The following LLPH variants were observed in gnomAD, a reference collection of about 807,000 sequenced individuals.
The protein encoded by LLPH is protein LLP homolog.
A neutral mutation model predicts 13.3 loss-of-function variants in LLPH; 5 were observed. That is an observed-to-expected ratio of 0.38 (90% confidence interval 0.20 to 0.79). LLPH has a LOEUF of 0.79. LLPH is among the 30% of genes least tolerant of loss of function. The pLI is 0.45. For missense variants in LLPH, 129 were observed against 152.1 expected, an observed-to-expected ratio of 0.85 and a Z score of 0.80; for synonymous variants, 32 against 44.2, an observed-to-expected ratio of 0.72 and a Z score of 1.09.
rs1565776648 is a variant in LLPH, at chr12:66,123,177, G to A, written c.*663C>T. ...ACAGAGTCCTACTCCATTGCCCAGG[G>A]TGGAGTGCAGTGGGGCAATCTTGGC... is the stretch of plus-strand genomic sequence containing the variant. On this transcript the variant is annotated 3_prime_UTR_variant, in exon 3 of 3. Transcript: ENST00000266604. 6.6e-6 allele frequency: 1 copy of A among 151,566 alleles called. No homozygotes were observed. Among genetic ancestry groups the A allele is most frequent in the Non-Finnish European group, 1.5e-5 (1 of 67,954 alleles). 9.4% of individuals were successfully genotyped at this position (151,566 alleles called of 1,614,324 possible).
In LLPH at chr12:66,123,870, T is replaced by C. The variant is rs755059967; in HGVS notation, c.360A>G (p.Ala120=). The C allele has an allele frequency of 6.2e-7, 1 of 1,612,138 alleles. No homozygotes were observed. Among genetic ancestry groups the C allele is most frequent in the Non-Finnish European group, 8.5e-7 (1 of 1,179,840 alleles). The change falls in exon 3 of 3, where the codon GCA becomes GCG. Residue 120 remains alanine, a synonymous_variant. Coordinates refer to ENST00000266604, the MANE Select transcript of LLPH (RefSeq NM_032338.4). ...AGGCCAAACCCTTTGCCACTTTCAC[T>C]GCTTTTGCTTTGCTTTTCCCCTTTC... The part of the protein sequence containing the change: ...EKRKGKSKAK[A]VKVAKGLAW
In LLPH at chr12:66,123,888, C is replaced by T; in HGVS notation, c.342G>A (p.Gly114=). 1.9e-6 allele frequency: 3 copies of T among 1,612,260 alleles called. No individual in the cohort carries two copies. The highest frequency in any genetic ancestry group is 2.5e-6 in the Non-Finnish European group (3 of 1,179,810). ...RLKAKREKRK[G]KSKAKAVKVA... is the part of the protein sequence containing the mutation. ...CTTTCACTGCTTTTGCTTTGCTTTT[C>T]CCCTTTCTTTTCTCTCGCTTTGCCT... The change falls in exon 3 of 3, where the codon GGG becomes GGA. Residue 114 remains glycine (G), a synonymous_variant. Transcript: ENST00000266604.
At chr12:66,127,859 C>T (rs1472497953) in intron 2 of LLPH, among the ~76,000 whole-genome samples, 5 of 152,150 alleles carry the variant, frequency 3.3e-5, no homozygotes, top group Non-Finnish European at 5.9e-5. Flanking sequence ...CAGAACACAT[C>T]TATGCTGTTG....
In LLPH at chr12:66,128,885, AGC is replaced by A; in HGVS notation, c.211+9_211+10del. On this transcript the variant is annotated intron_variant, in intron 2 of 2. Transcript: ENST00000266604. The stretch of plus-strand genomic sequence containing the variant: ...AAAAAAAAGAGAAAGAAAAAGGAGA[AGC>A]ACACTCACCTTTTTCATCTTTTACC... 1 of 1,572,942 alleles carries A rather than the reference AGC, an allele frequency of 6.4e-7. No homozygotes were observed. Among genetic ancestry groups the A allele is most frequent in the Non-Finnish European group, 8.7e-7 (1 of 1,153,092 alleles).
intron 1 of LLPH, among the ~76,000 whole-genome samples, chr12:66,129,776 G>T (rs1159680212): frequency 6.6e-6 from 1 of 152,086 alleles, no homozygotes; most frequent in African/African-American, 2.4e-5. Context: ...AATTACAAAT[G>T]ATTTTTATAA....
rs1054960770 is a variant in LLPH at position 66,119,234 on chromosome 12, G to T, written c.*4606C>A. ...TTAAAGATTAAATAATATACATAAA[G>T]CATTTAAGAGAGTACGCATTCTCTA... On this transcript the variant is annotated 3_prime_UTR_variant, in exon 3 of 3. Transcript: ENST00000266604. 5 of 152,138 alleles carry T rather than the reference G, an allele frequency of 3.3e-5. No homozygotes were observed. Among genetic ancestry groups the T allele is most frequent in the African/African-American group, 1.2e-4 (5 of 41,438 alleles). 9.4% of individuals were successfully genotyped at this position (152,138 alleles called of 1,614,324 possible). A position where few individuals can be genotyped will look rare whatever the true frequency, so the allele number is the denominator to read the frequency against.
chr12:66,129,807 T>C (rs1432287351), intron 1 of LLPH, among the ~76,000 whole-genome samples: 1 of 152,176 alleles, frequency 6.6e-6, no homozygotes, highest in East Asian at 1.9e-4. Flanking sequence ...TCATCTTCAT[T>C]ATCCATCCTC....
chr12:66,128,813 T>A, intron 2 of LLPH, 83 bp downstream of exon 2: 1 of 940,380 alleles, frequency 1.1e-6, no homozygotes, highest in South Asian at 1.6e-5. Context: ...ACCACTGCAC[T>A]CTAGCCTAGG....
At chr12:66,126,034 G>C (rs951127956) in intron 2 of LLPH, among the ~76,000 whole-genome samples, 2 of 152,028 alleles carry the variant, frequency 1.3e-5, no homozygotes, top group Non-Finnish European at 2.9e-5. Flanking sequence ...CTATGAAAAA[G>C]GAACAGTAGG....
Position 66,119,498 on chromosome 12 carries a change from T to G in LLPH, c.*4342A>C, listed in dbSNP as rs2051449545. On this transcript the variant is annotated 3_prime_UTR_variant, in exon 3 of 3. Coordinates refer to ENST00000266604, the MANE Select transcript of LLPH (RefSeq NM_032338.4). ...GATGTAAGTATTTAACAGTCCCACC[T>G]CACCCCTAAACATTTCCTTGTAAAA... is the stretch of plus-strand genomic sequence containing the variant. 1 of 152,182 alleles carries G rather than the reference T, an allele frequency of 6.6e-6. No individual in the cohort carries two copies. Among genetic ancestry groups the G allele is most frequent in the Non-Finnish European group, 1.5e-5 (1 of 68,016 alleles). 9.4% of individuals were successfully genotyped at this position (152,182 alleles called of 1,614,324 possible). A position where few individuals can be genotyped will look rare whatever the true frequency, so the allele number is the denominator to read the frequency against.
rs183668636 is a variant in LLPH at position 66,117,333 on chromosome 12, C to T, written c.*6507G>A. 10 of 152,272 alleles carry T rather than the reference C, an allele frequency of 6.6e-5. No homozygotes were observed. The highest frequency in any genetic ancestry group is 2.4e-4 in the African/African-American group (10 of 41,544). The allele number at this position is 152,272 out of a possible 1,614,324, so 9.4% of individuals were successfully genotyped here. On this transcript the variant is annotated 3_prime_UTR_variant, in exon 3 of 3. Coordinates refer to ENST00000266604, the MANE Select transcript of LLPH (RefSeq NM_032338.4). The stretch of plus-strand genomic sequence containing the variant: ...AGTAATCTAGAGATGATTTAAAGTA[C>T]AGTCATGCATTGCATGATGACATTT...
At chr12:66,124,598 G>T (rs2051485025) in intron 2 of LLPH, among the ~76,000 whole-genome samples, 2 of 152,142 alleles carry the variant, frequency 1.3e-5, no homozygotes, top group Non-Finnish European at 1.5e-5. Flanking sequence ...ACATGCTGTG[G>T]TACACCTATC....
In LLPH at chr12:66,119,190, G is replaced by A. The variant is rs2051447886; in HGVS notation, c.*4650C>T. The A allele has an allele frequency of 6.6e-6, 1 of 152,166 alleles. No homozygotes were observed. The highest frequency in any genetic ancestry group is 6.5e-5 in the Admixed American group (1 of 15,276). 9.4% of individuals were successfully genotyped at this position (152,166 alleles called of 1,614,324 possible). A position where few individuals can be genotyped will look rare whatever the true frequency, so the allele number is the denominator to read the frequency against. ...TCATCTGAAAATAGGGATAATTAAAGTATTGATCCCACAGTGTTTTAAAGA... is the reference window on the plus strand; with the variant it reads ...TCATCTGAAAATAGGGATAATTAAAATATTGATCCCACAGTGTTTTAAAGA... On this transcript the variant is annotated 3_prime_UTR_variant, in exon 3 of 3. Coordinates refer to ENST00000266604, the MANE Select transcript of LLPH (RefSeq NM_032338.4).
chr12:66,124,054 T>A, intron 2 of LLPH, 36 bp from the exon 3 acceptor site: 1 of 1,491,182 alleles, frequency 6.7e-7, no homozygotes, highest in Non-Finnish European at 9.2e-7. Flanking sequence ...TAACACCATG[T>A]ATGAAAAAAA....
intron 2 of LLPH, among the ~76,000 whole-genome samples, chr12:66,126,253 G>A (rs571765368): frequency 6.6e-6 from 1 of 151,506 alleles, no homozygotes; most frequent in South Asian, 2.1e-4. Context: ...GAACCCGGGA[G>A]ATGGAGCTTG....
At chr12:66,124,242 A>G (rs1483823597) in intron 2 of LLPH, among the ~76,000 whole-genome samples, 1 of 152,230 alleles carries the variant, frequency 6.6e-6, no homozygotes. Context: ...GTACATTAGT[A>G]GATATATGGT....
rs1017394428 is a variant in LLPH at position 66,122,764 on chromosome 12, A to G, written c.*1076T>C. 1 of 151,668 alleles carries G rather than the reference A, an allele frequency of 6.6e-6. No homozygotes were observed. Among genetic ancestry groups the G allele is most frequent in the Admixed American group, 6.6e-5 (1 of 15,262 alleles). The allele number at this position is 151,668 out of a possible 1,614,324, so 9.4% of individuals were successfully genotyped here. A position where few individuals can be genotyped will look rare whatever the true frequency, so the allele number is the denominator to read the frequency against. ...ATCTTCAAGTATGTAGCATTTCCCAAATCGATGTGAACACAATTTATTTTT... is the reference window on the plus strand; with the variant it reads ...ATCTTCAAGTATGTAGCATTTCCCAGATCGATGTGAACACAATTTATTTTT... On this transcript the variant is annotated 3_prime_UTR_variant, in exon 3 of 3. Transcript: ENST00000266604.
At position 66,121,553 on chromosome 12, in the gene LLPH, A is replaced by C. The variant is rs763495427; in HGVS notation, c.*2287T>G. 4.6e-5 allele frequency: 7 copies of C among 151,732 alleles called. No homozygotes were observed. The highest frequency in any genetic ancestry group is 7.3e-5 in the African/African-American group (3 of 41,288). The allele number at this position is 151,732 out of a possible 1,614,324, so 9.4% of individuals were successfully genotyped here. ...TGCCTCAGCCTCCCAAATTGTTAGA[A>C]TTTGGTGCCTGGCCCCCTTTTCCAA... On this transcript the variant is annotated 3_prime_UTR_variant, in exon 3 of 3. Coordinates refer to ENST00000266604, the MANE Select transcript of LLPH (RefSeq NM_032338.4).
rs1320314705 is a variant in LLPH at position 66,129,111 on chromosome 12, T to A, written c.-5A>T. On this transcript the variant is annotated splice_region_variant and 5_prime_UTR_variant, in exon 2 of 3. Transcript: ENST00000266604. Reference sequence around the variant, plus strand: ...ACTCCGTAAGCTTTTAGCCATGTTTTACCTGAAGTTAACAAAAACACACAT... The same window carrying A: ...ACTCCGTAAGCTTTTAGCCATGTTTAACCTGAAGTTAACAAAAACACACAT... 5.0e-6 allele frequency: 8 copies of A among 1,591,280 alleles called. No individual in the cohort carries two copies. Among genetic ancestry groups the A allele is most frequent in the Admixed American group, 1.8e-5 (1 of 56,942 alleles).
Sources: allele counts gnomAD v4.1 joint callset (sites outside exome capture counted in the v4.1 genomes callset), GRCh38; gene constraint gnomAD v4.1.1; transcripts MANE v1.5; gene names NCBI Gene and HGNC (gene_info 2026-07-23, HGNC 2026-07-21).